The following MTMR14 variants were observed in gnomAD, a reference collection of about 807,000 sequenced individuals.
MTMR14 encodes the protein phosphatidylinositol-3,5-bisphosphate 3-phosphatase MTMR14.
MTMR14 carries 48 observed loss-of-function variants against 86.3 expected under a neutral mutation model. The ratio of observed to expected loss-of-function variants is 0.56; its 90% CI spans 0.44 to 0.71. MTMR14 has a LOEUF of 0.71. Ranked by LOEUF, MTMR14 falls within the 30% of genes least tolerant of loss-of-function variation. The pLI is 0.00. For missense variants in MTMR14, 780 were observed against 834.6 expected, an observed-to-expected ratio of 0.93 and a Z score of 0.81; for synonymous variants, 366 against 326.1, an observed-to-expected ratio of 1.12 and a Z score of -1.32.
At position 9,662,374 on chromosome 3, in the gene MTMR14, AG is replaced by A. The variant is rs745454419; in HGVS notation, c.417+1del. 5.7e-5 allele frequency: 92 copies of A among 1,611,964 alleles called. No individual in the cohort carries two copies. Among genetic ancestry groups the A allele is most frequent in the Non-Finnish European group, 7.5e-5 (88 of 1,178,358 alleles). On this transcript the variant is annotated frameshift_variant and splice_region_variant, in exon 3 of 19. Coordinates refer to ENST00000296003, the MANE Select transcript of MTMR14 (RefSeq NM_001077525.3). LOFTEE classifies it high-confidence loss of function. The stretch of plus-strand genomic sequence containing the variant: ...TGCCCAGTAATCCTGTTCAAGGGCA[AG>A]GTAAGGCCCATACCATAGCTTCATG... Reference protein sequence around the residue: ...FVCPVILFKGKHICRSATLAG... With the variant: ...FVCPVILFKGXHICRSATLAG...
chr3:9,698,549 C>G (rs561447130), intron 18 of MTMR14, among the ~76,000 whole-genome samples: 1 of 152,354 alleles, frequency 6.6e-6, no homozygotes, highest in East Asian at 1.9e-4. Flanking sequence ...GAGGGCCTCT[C>G]AGCAAGCCTT....
chr3:9,663,111 G>A (rs577396629), intron 3 of MTMR14, among the ~76,000 whole-genome samples: 3 of 152,286 alleles, frequency 2.0e-5, no homozygotes, highest in East Asian at 1.9e-4. Context: ...ACGTTTGAGC[G>A]GGGAAATTCC....
intron 9 of MTMR14, 79 bp from the exon 10 acceptor site, chr3:9,683,099 C>T: frequency 1.4e-6 from 2 of 1,392,512 alleles, no homozygotes; most frequent in South Asian, 2.4e-5. Context: ...CCCAGAATAA[C>T]TCTTGGCATT....
At chr3:9,680,215 C>T (rs967170666) in intron 9 of MTMR14, among the ~76,000 whole-genome samples, 4 of 152,210 alleles carry the variant, frequency 2.6e-5, no homozygotes, top group Admixed American at 2.0e-4. Context: ...TCTTTGCTCC[C>T]ACCACATCCA....
intron 2 of MTMR14, 69 bp downstream of exon 2, chr3:9,653,838 G>T (rs975530854): frequency 6.3e-7 from 1 of 1,598,268 alleles, no homozygotes; most frequent in African/African-American, 1.3e-5. Flanking sequence ...TGGCCAGGAA[G>T]TCTGTAGCTG....
At chr3:9,668,652 A>T in intron 3 of MTMR14, 67 bp from the exon 4 acceptor site, 1 of 1,548,470 alleles carries the variant, frequency 6.5e-7, no homozygotes, top group Non-Finnish European at 8.9e-7. Context: ...GAGGAGTCCC[A>T]CATGTTCCTT....
Position 9,653,776 on chromosome 3 carries a change from A to G in MTMR14, c.308+7A>G. The stretch of plus-strand genomic sequence containing the variant: ...CTGAGAAGGAGAAAGACACGTGAGC[A>G]TCATGTGACCGTAGTGTACATGTCT... On this transcript the variant is annotated splice_region_variant and intron_variant, in intron 2 of 18. Transcript: ENST00000296003. The G allele has an allele frequency of 6.2e-7, 1 of 1,614,176 alleles. No homozygotes were observed. Among genetic ancestry groups the G allele is most frequent in the East Asian group, 2.2e-5 (1 of 44,884 alleles).
At position 9,677,661 on chromosome 3, in the gene MTMR14, C is replaced by G. The variant is rs952237197; in HGVS notation, c.822+274C>G. On this transcript the variant is annotated intron_variant, in intron 8 of 18. Coordinates refer to ENST00000296003, the MANE Select transcript of MTMR14 (RefSeq NM_001077525.3). This position sits in a 1 kb window ranked among gnomAD's most constrained non-coding sequence, Gnocchi z 4.2. ...GAAAAGCCCTTCCCTTCTGTACTCT[C>G]TGTGTGAAAGCTGGGGGCAGCATTC... Among the ~76,000 whole-genome samples the G allele has an allele frequency of 1.3e-5, 2 of 152,146 alleles. No individual in the cohort carries two copies. Among genetic ancestry groups the G allele is most frequent in the Admixed American group, 6.5e-5 (1 of 15,290 alleles).
At chr3:9,687,748 G>A (rs1333125267) in intron 13 of MTMR14, 73 bp from the exon 14 acceptor site, 9 of 1,321,918 alleles carry the variant, frequency 6.8e-6, no homozygotes, top group Non-Finnish European at 9.5e-6. Flanking sequence ...GACCTGAGTG[G>A]CTGGCCGCCC....
Position 9,661,915 on chromosome 3 carries a change from C to T in MTMR14, c.309-352C>T, listed in dbSNP as rs905818348. On this transcript the variant is annotated intron_variant, in intron 2 of 18. Transcript: ENST00000296003. The stretch of plus-strand genomic sequence containing the variant: ...CAGCCTGGCCAACGTGGTGAAACCC[C>T]GTCTCTACCAAAAATAAAAAAATTA... Among the ~76,000 whole-genome samples the T allele has an allele frequency of 3.3e-5, 5 of 151,774 alleles. No individual in the cohort carries two copies. The South Asian group carries it at 8.3e-4, about 25-fold the overall frequency.
chr3:9,683,010 G>T (rs2075821544), intron 9 of MTMR14, among the ~76,000 whole-genome samples, 168 bp from the exon 10 acceptor site: 2 of 152,080 alleles, frequency 1.3e-5, no homozygotes, highest in Admixed American at 6.5e-5. Flanking sequence ...GGAGCTGCTG[G>T]AGATGGAATA....
rs1426643558 is a variant in MTMR14, at chr3:9,702,357, G to A, written c.*384G>A. 3.2e-6 allele frequency: 1 copy of A among 311,526 alleles called. No individual in the cohort carries two copies. The highest frequency in any genetic ancestry group is 7.2e-5 in the East Asian group (1 of 13,910). The allele number at this position is 311,526 out of a possible 1,614,324, so 19.3% of individuals were successfully genotyped here. On this transcript the variant is annotated 3_prime_UTR_variant, in exon 19 of 19. Coordinates refer to ENST00000296003, the MANE Select transcript of MTMR14 (RefSeq NM_001077525.3). ...ACTGAGAATGAGGCAGTTTGACACA[G>A]ATCACAAAATAAAATCAAAGTCTTT...
chr3:9,686,886 G>T (rs1012346401), intron 13 of MTMR14, among the ~76,000 whole-genome samples: 4 of 152,212 alleles, frequency 2.6e-5, no homozygotes, highest in African/African-American at 9.6e-5. Context: ...GGCTGGAAGG[G>T]AGAAGATAAT....
chr3:9,667,933 A>C (rs751684929), intron 3 of MTMR14, among the ~76,000 whole-genome samples: 4 of 152,122 alleles, frequency 2.6e-5, no homozygotes, highest in Non-Finnish European at 5.9e-5. Flanking sequence ...GCCATTTCCC[A>C]TTGTAGTGTA....
At chr3:9,679,617 C>T (rs1273809842) in intron 9 of MTMR14, among the ~76,000 whole-genome samples, 1 of 152,188 alleles carries the variant, frequency 6.6e-6, no homozygotes, top group Non-Finnish European at 1.5e-5. Flanking sequence ...ATCTAGGTCC[C>T]AGCTTGCCTG....
chr3:9,649,764 G>A, intron 1 of MTMR14, 22 bp downstream of exon 1: 4 of 1,612,622 alleles, frequency 2.5e-6, no homozygotes, highest in Non-Finnish European at 3.4e-6. Flanking sequence ...GGTGCGATGA[G>A]CTGGGGAAGG....
chr3:9,671,287 A>C, intron 6 of MTMR14, 117 bp downstream of exon 6: 5 of 1,399,522 alleles, frequency 3.6e-6, no homozygotes, highest in Non-Finnish European at 5.0e-6. Context: ...CTTTCTGTAC[A>C]TTATCTCACT....
At chr3:9,656,088 G>A (rs970032377) in intron 2 of MTMR14, among the ~76,000 whole-genome samples, 8 of 151,940 alleles carry the variant, frequency 5.3e-5, no homozygotes, top group Non-Finnish European at 1.0e-4. Flanking sequence ...CCAGCTACTC[G>A]GGAGGCTGAG....
chr3:9,672,849 C>G (rs2048650127), intron 7 of MTMR14, 91 bp downstream of exon 7: 2 of 1,224,642 alleles, frequency 1.6e-6, no homozygotes, highest in African/African-American at 3.0e-5. Context: ...CACTGGCGCC[C>G]TGGGAGCTTT....
Sources: gnomAD v4.1 joint callset for allele counts (sites outside exome capture counted in the v4.1 genomes callset) on GRCh38, gnomAD v4.1.1 for gene constraint, Gnocchi (gnomAD v3.1) non-coding constraint, MANE v1.5 for transcripts, NCBI Gene and HGNC (gene_info 2026-07-23, HGNC 2026-07-21) for gene names.